OSBPL7: variants seen among roughly 807,000 people sequenced by gnomAD.
OSBPL7 encodes the protein oxysterol-binding protein-related protein 7.
Under a neutral mutation model 115.8 loss-of-function variants are expected in OSBPL7, and 66 were observed. The ratio of observed to expected loss-of-function variants is 0.57; its 90% CI spans 0.47 to 0.70. The LOEUF is 0.70. Ranked by LOEUF, OSBPL7 falls within the 30% of genes least tolerant of loss-of-function variation. The pLI is 0.00. For synonymous variants in OSBPL7, 441 were observed against 439.2 expected, an observed-to-expected ratio of 1.00 and a Z score of -0.05; for missense variants, 902 against 1,125.5, an observed-to-expected ratio of 0.80 and a Z score of 2.84.
intron 5 of OSBPL7, 26 bp downstream of exon 5, chr17:47,818,960 C>A: frequency 6.3e-7 from 1 of 1,596,778 alleles, no homozygotes; most frequent in South Asian, 1.1e-5. Flanking sequence ...GGGGCCAACA[C>A]ACGTCCTGCC....
intron 7 of OSBPL7, among the ~76,000 whole-genome samples, chr17:47,817,676 C>A (rs1733561178): frequency 6.6e-6 from 1 of 152,136 alleles, no homozygotes; most frequent in South Asian, 2.1e-4. Flanking sequence ...CAGGCATGAG[C>A]CACCGAACCC....
At chr17:47,819,906 G>T in intron 3 of OSBPL7, 65 bp downstream of exon 3, 1 of 1,599,420 alleles carries the variant, frequency 6.3e-7, no homozygotes, top group Non-Finnish European at 8.5e-7. Context: ...GGACTGCCCA[G>T]CAGCTGCCCC....
At position 47,818,292 on chromosome 17, in the gene OSBPL7, T is replaced by A; in HGVS notation, c.575A>T (p.Asp192Val). 5.6e-6 allele frequency: 9 copies of A among 1,613,992 alleles called. No individual in the cohort carries two copies. Among genetic ancestry groups the A allele is most frequent in the Admixed American group, 5.0e-5 (3 of 60,014 alleles). ...EKVSSWLRDSDGLDRCSHELS... is the reference protein window; with the variant it reads ...EKVSSWLRDSVGLDRCSHELS... ...ACCATGAGAGCAGCGGTCCAGCCCA[T>A]CACTGTCCCTCAGCCAGGAAGACAC... The change falls in exon 7 of 23, where the codon GAT becomes GTT. Residue 192 changes from aspartate to valine, a missense_variant. Transcript: ENST00000007414.
At chr17:47,809,813 T>A (rs2032980554) in intron 18 of OSBPL7, among the ~76,000 whole-genome samples, 1 of 152,356 alleles carries the variant, frequency 6.6e-6, no homozygotes, top group East Asian at 1.9e-4. Flanking sequence ...TGGGTATTAC[T>A]TCTTACTGTC....
At chr17:47,817,396 AT>A (rs377138184) in intron 7 of OSBPL7, 37 bp from the exon 8 acceptor site, 3,848 of 1,263,756 alleles carry the variant, frequency 3.0e-3, no homozygotes, top group Admixed American at 3.9e-3. Context: ...AACACCATTC[AT>A]TTTTTTTTTG....
chr17:47,808,301 AC>A lies in OSBPL7; in HGVS notation c.2518del (p.Val840CysfsTer68). 2 of 1,612,376 alleles carry A rather than the reference AC, an allele frequency of 1.2e-6. No individual in the cohort carries two copies. Among genetic ancestry groups the A allele is most frequent in the Non-Finnish European group, 1.7e-6 (2 of 1,178,820 alleles). On this transcript the variant is annotated frameshift_variant, in exon 23 of 23. Coordinates refer to ENST00000007414, the MANE Select transcript of OSBPL7 (RefSeq NM_145798.3). LOFTEE classifies it high-confidence loss of function. This position sits in a 1 kb window ranked among gnomAD's most constrained non-coding sequence, Gnocchi z 6.1. Reference protein sequence around the residue: ...EPGYGNMDGAVLW With the variant: ...EPGYGNMDGAXLW ...CCCCCGGGGCCAGGGCTACCAGAGCACGGCCCCATCCATGTTCCCATAGCCT... is the reference window on the plus strand; with the variant it reads ...CCCCCGGGGCCAGGGCTACCAGAGCAGGCCCCATCCATGTTCCCATAGCCT...
At chr17:47,814,360 C>A (rs2033144085) in intron 14 of OSBPL7, among the ~76,000 whole-genome samples, 161 bp downstream of exon 14, 2 of 152,228 alleles carry the variant, frequency 1.3e-5, no homozygotes, top group Admixed American at 6.5e-5. Flanking sequence ...GAACATTTCC[C>A]AGTTCATGAC....
chr17:47,813,615 C>A lies in OSBPL7; in HGVS notation c.1571G>T (p.Ser524Ile). 6.2e-7 allele frequency: 1 copy of A among 1,612,294 alleles called. No homozygotes were observed. The highest frequency in any genetic ancestry group is 8.5e-7 in the Non-Finnish European group (1 of 1,179,518). ...GCGCTCGCAGGGGTCGGCGATGCGG[C>A]TGGCCTGGTCCAGGAGGCTGCTGTA... is the stretch of plus-strand genomic sequence containing the variant. ...LEYSSLLDQA[S>I]RIADPCERMV... The change falls in exon 15 of 23, where the codon AGC (serine) becomes ATC (isoleucine). Residue 524 changes from serine (S) to isoleucine (I), a missense_variant. Transcript: ENST00000007414.
Position 47,819,081 on chromosome 17 carries a change from G to C in OSBPL7, c.274C>G (p.His92Asp). 6.2e-7 allele frequency: 1 copy of C among 1,614,008 alleles called. No individual in the cohort carries two copies. Among genetic ancestry groups the C allele is most frequent in the Non-Finnish European group, 8.5e-7 (1 of 1,179,924 alleles). ...GACAGCCGGACATCGATGGAGCCAT[G>C]GAGCTTCCCCTTGGTGATCTGGGGG... The part of the protein sequence containing the change: ...TRQDITKGKL[H>D]GSIDVRLSVM... The change falls in exon 5 of 23, where the codon CAT becomes GAT. Residue 92 changes from histidine (H) to aspartate (D), a missense_variant. His to Asp is a moderately conservative substitution (Grantham distance 81). Around this residue, in one of 3 missense-constraint regions of OSBPL7, gnomAD observed 667 missense variants for 788.7 expected, o/e 0.85. Transcript: ENST00000007414.
At chr17:47,814,935 C>T (rs766632134) in intron 13 of OSBPL7, 5 of 556,062 alleles carry the variant, frequency 9.0e-6, no homozygotes, top group Non-Finnish European at 1.6e-5. Context: ...AGTGCTGAAG[C>T]TGAGACAGGG....
At chr17:47,819,370 A>C (rs1598027045) in intron 4 of OSBPL7, 1 of 556,790 alleles carries the variant, frequency 1.8e-6, no homozygotes, top group Non-Finnish European at 3.2e-6. Flanking sequence ...GGAAGGCAAC[A>C]CCCTCCCAGA....
chr17:47,808,714 C>T lies in OSBPL7; in HGVS notation c.2298-54G>A. Reference sequence around the variant, plus strand: ...CTGCCCATCTGCAGGGGCCCCCAAACCCAAGGCCTCTGTCTCTGCCCAACT... The same window carrying T: ...CTGCCCATCTGCAGGGGCCCCCAAATCCAAGGCCTCTGTCTCTGCCCAACT... On this transcript the variant is annotated intron_variant, in intron 21 of 22. Coordinates refer to ENST00000007414, the MANE Select transcript of OSBPL7 (RefSeq NM_145798.3). This position sits in a 1 kb window ranked among gnomAD's most constrained non-coding sequence, Gnocchi z 6.1. The T allele has an allele frequency of 6.2e-7, 1 of 1,610,372 alleles. No individual in the cohort carries two copies. Among genetic ancestry groups the T allele is most frequent in the African/African-American group, 1.3e-5 (1 of 74,848 alleles).
Position 47,814,556 on chromosome 17 carries a change from A to G in OSBPL7, c.1316T>C (p.Met439Thr), listed in dbSNP as rs1221705707. 6.7e-7 allele frequency: 1 copy of G among 1,489,312 alleles called. No individual in the cohort carries two copies. The highest frequency in any genetic ancestry group is 9.1e-7 in the Non-Finnish European group (1 of 1,103,828). 92.3% of individuals were successfully genotyped at this position (1,489,312 alleles called of 1,614,324 possible). A position where few individuals can be genotyped will look rare whatever the true frequency, so the allele number is the denominator to read the frequency against. The change falls in exon 14 of 23, where the codon ATG becomes ACG. Residue 439 changes from methionine (M) to threonine (T), a missense_variant. By Grantham distance (81) the Met-to-Thr change is moderately conservative. Coordinates refer to ENST00000007414, the MANE Select transcript of OSBPL7 (RefSeq NM_145798.3). ...SEITTSLSEEMLDLRGAERCQ... is the reference protein window; with the variant it reads ...SEITTSLSEETLDLRGAERCQ... ...GCGCTCAGCTCCCCTGAGGTCCAGCATCTCCTCAGACAGGCTGGTGGTGAT... is the reference window on the plus strand; with the variant it reads ...GCGCTCAGCTCCCCTGAGGTCCAGCGTCTCCTCAGACAGGCTGGTGGTGAT...
intron 7 of OSBPL7, among the ~76,000 whole-genome samples, chr17:47,817,938 C>T (rs919700256): frequency 2.6e-5 from 4 of 152,212 alleles, no homozygotes; most frequent in Non-Finnish European, 5.9e-5. Context: ...AGGCCAACTT[C>T]ACAGACCCTA....
chr17:47,818,346 G>T lies in OSBPL7; in HGVS notation c.521C>A (p.Ala174Asp). The change falls in exon 7 of 23, where the codon GCC becomes GAC. Residue 174 changes from alanine (A) to aspartate (D), a missense_variant. Physicochemically the swap from Ala to Asp is moderately radical, Grantham distance 126. This residue lies in a region of OSBPL7 where 667 missense variants were observed against 788.7 expected (regional missense o/e 0.85). Transcript: ENST00000007414. ...CTCCCGCGGTCCAAGCCCAGGTAGG[G>T]CTGAGGCAGTAGCTGCTGTTGGAAG... ...AQLPTAATASALPGLGPREKV... is the reference protein window; with the variant it reads ...AQLPTAATASDLPGLGPREKV... The T allele has an allele frequency of 6.2e-7, 1 of 1,614,180 alleles. No individual in the cohort carries two copies. Among genetic ancestry groups the T allele is most frequent in the Non-Finnish European group, 8.5e-7 (1 of 1,180,012 alleles).
At chr17:47,809,507 C>A in intron 18 of OSBPL7, 29 bp from the exon 19 acceptor site, 1 of 1,595,612 alleles carries the variant, frequency 6.3e-7, no homozygotes. Flanking sequence ...GGAAGGGCAG[C>A]TGGCTGGCCC....
rs1263868548 is a variant in OSBPL7, at chr17:47,813,263, T to G, written c.1737+3A>C. 5 of 1,613,716 alleles carry G rather than the reference T, an allele frequency of 3.1e-6. No individual in the cohort carries two copies. In the Admixed American group the frequency reaches 8.3e-5, roughly 27 times the overall value. The stretch of plus-strand genomic sequence containing the variant: ...GGCCAGCCCTCTTCTCCCAAGGCCA[T>G]ACCTGCTCACTGATGAAGCGGAAGC... On this transcript the variant is annotated splice_donor_region_variant and intron_variant, in intron 16 of 22. Transcript: ENST00000007414.
In OSBPL7 at chr17:47,808,244, A is replaced by G; in HGVS notation, c.*47T>C. The G allele has an allele frequency of 7.1e-7, 1 of 1,408,518 alleles. No homozygotes were observed. The highest frequency in any genetic ancestry group is 1.0e-6 in the Non-Finnish European group (1 of 999,844). The allele number at this position is 1,408,518 out of a possible 1,614,324, so 87.3% of individuals were successfully genotyped here. A position where few individuals can be genotyped will look rare whatever the true frequency, so the allele number is the denominator to read the frequency against. On this transcript the variant is annotated 3_prime_UTR_variant, in exon 23 of 23. Transcript: ENST00000007414. This position sits in a 1 kb window ranked among gnomAD's most constrained non-coding sequence, Gnocchi z 6.1. ...CCCATGTGTCCATGGTAGGGGGTGG[A>G]GGCAGGAGGAGTGAGGAACCAGAGC...
In OSBPL7 at chr17:47,808,510, C is replaced by T; in HGVS notation, c.2420+28G>A. ...GCTCCAAGCAGGGCTCATGGGGAGA[C>T]CCAGGGCGGAGGGCGAGGCCGAGGC... On this transcript the variant is annotated intron_variant, in intron 22 of 22. Coordinates refer to ENST00000007414, the MANE Select transcript of OSBPL7 (RefSeq NM_145798.3). The surrounding 1 kb of genome is among the most constrained non-coding windows in gnomAD (Gnocchi z 6.1). 2 of 1,614,046 alleles carry T rather than the reference C, an allele frequency of 1.2e-6. No individual in the cohort carries two copies. The highest frequency in any genetic ancestry group is 1.7e-6 in the Non-Finnish European group (2 of 1,179,928).
Sources: gnomAD v4.1 joint callset for allele counts (sites outside exome capture counted in the v4.1 genomes callset) on GRCh38, gnomAD v4.1.1 for gene constraint, gnomAD v4.1.1 regional missense constraint, Gnocchi (gnomAD v3.1) non-coding constraint, MANE v1.5 for transcripts, NCBI Gene and HGNC (gene_info 2026-07-23, HGNC 2026-07-21) for gene names.